The following DIAPH2 variants were observed in gnomAD, a reference collection of about 807,000 sequenced individuals.
DIAPH2 encodes protein diaphanous homolog 2.
DIAPH2 carries 35 observed loss-of-function variants against 92.7 expected under a neutral mutation model. The observed-to-expected ratio is 0.38, with a 90% CI of 0.29 to 0.50. The LOEUF is 0.50. Among genes scored for constraint, DIAPH2 ranks in the 20% least tolerant of loss-of-function variants. The pLI is 0.94. For synonymous variants in DIAPH2, 301 were observed against 280.4 expected (o/e 1.07, Z -0.73); for missense variants, 701 against 819.5 (o/e 0.86, Z 1.77).
chrX:97,066,252 T>C (rs1047850952), intron 17 of DIAPH2, among the ~76,000 whole-genome samples: 14 of 112,068 alleles, frequency 1.2e-4, no homozygotes, highest in African/African-American at 4.5e-4. Context: ...TGTATGCAGC[T>C]AAACCATTTT....
At chrX:97,359,570 CT>C (rs1162203236) in intron 24 of DIAPH2, among the ~76,000 whole-genome samples, 2,906 of 66,662 alleles carry the variant, frequency 0.044, 26 homozygotes, top group Non-Finnish European at 0.059. Context: ...CATGGATAAT[CT>C]TTTTTTTTTT....
intron 25 of DIAPH2, among the ~76,000 whole-genome samples, chrX:97,415,972 G>A (rs2069941807): frequency 8.9e-6 from 1 of 111,976 alleles, no homozygotes; most frequent in African/African-American, 3.2e-5. Flanking sequence ...AGACTATCCA[G>A]TGACACCTTG....
intron 16 of DIAPH2, among the ~76,000 whole-genome samples, chrX:96,959,048 T>A (rs2065830906): frequency 8.9e-6 from 1 of 111,843 alleles, no homozygotes; most frequent in Middle Eastern, 4.2e-3. Context: ...AGTGCTGCAA[T>A]AAACATGAGG....
intron 24 of DIAPH2, among the ~76,000 whole-genome samples, chrX:97,353,933 G>A (rs1391107165): frequency 3.6e-5 from 4 of 110,419 alleles, no homozygotes. Context: ...TCCCACCTCA[G>A]CCTCCTAAGT....
intron 19 of DIAPH2, among the ~76,000 whole-genome samples, chrX:97,093,742 G>T (rs2066844867): frequency 9.0e-6 from 1 of 111,687 alleles, no homozygotes; most frequent in African/African-American, 3.3e-5. Context: ...TTGCAAATAG[G>T]ATCATGACAT....
intron 23 of DIAPH2, among the ~76,000 whole-genome samples, chrX:97,305,829 A>AAAAAAAAAAAAG (rs1460551487): frequency 4.4e-4 from 47 of 107,393 alleles, no homozygotes; most frequent in African/African-American, 1.6e-3. Context: ...TTCTCCAAAA[A>AAAAAAAAAAAAG]AAAAAAAAAA....
chrX:97,160,823 A>G (rs1343011118), intron 22 of DIAPH2, among the ~76,000 whole-genome samples: 2 of 111,770 alleles, frequency 1.8e-5, no homozygotes, highest in South Asian at 3.7e-4. Flanking sequence ...AGAATTTATT[A>G]TATATTGATC....
At chrX:97,214,158 T>C (rs980349614) in intron 22 of DIAPH2, among the ~76,000 whole-genome samples, 2 of 112,590 alleles carry the variant, frequency 1.8e-5, no homozygotes, top group African/African-American at 6.5e-5. Context: ...TGAAGACCAA[T>C]CTTCTGTTCT....
rs187069813 is a variant in DIAPH2 at position 97,482,477 on chromosome X, C to T, written c.3241+52732C>T. On this transcript the variant is annotated intron_variant, in intron 26 of 26. Coordinates refer to ENST00000324765, the MANE Select transcript of DIAPH2 (RefSeq NM_006729.5). Reference sequence around the variant, plus strand: ...TCCCCATACCATTTTTCTCTTGTGACTTTGACTCACAAAGGTGAAGCTTTC... The same window carrying T: ...TCCCCATACCATTTTTCTCTTGTGATTTTGACTCACAAAGGTGAAGCTTTC... Among the ~76,000 whole-genome samples the T allele has an allele frequency of 2.7e-3, 296 of 111,523 alleles. 1 individual carries two copies. Among genetic ancestry groups the T allele is most frequent in the African/African-American group, 9.1e-3 (279 of 30,715 alleles).
intron 4 of DIAPH2, among the ~76,000 whole-genome samples, chrX:96,848,916 T>C (rs1289590270): frequency 8.9e-6 from 1 of 111,916 alleles, no homozygotes; most frequent in Non-Finnish European, 1.9e-5. Flanking sequence ...CGATGGTTTT[T>C]TCCATCACAG....
chrX:97,246,904 C>T (rs911952960), intron 22 of DIAPH2, among the ~76,000 whole-genome samples: 2 of 111,407 alleles, frequency 1.8e-5, no homozygotes, highest in Non-Finnish European at 3.8e-5. Context: ...TGTTTTCATA[C>T]ATAATTGGCA....
chrX:96,764,564 C>T (rs748208004), intron 4 of DIAPH2, among the ~76,000 whole-genome samples: 1 of 111,302 alleles, frequency 9.0e-6, no homozygotes, highest in African/African-American at 3.3e-5. Context: ...AAAATAAATT[C>T]GATAGGTGGA....
chrX:97,598,039 C>T (rs747416010), intron 26 of DIAPH2, among the ~76,000 whole-genome samples: 5 of 111,075 alleles, frequency 4.5e-5, no homozygotes, highest in Admixed American at 9.6e-5. Flanking sequence ...CACAGACTAC[C>T]GGGAAATCAG....
intron 23 of DIAPH2, among the ~76,000 whole-genome samples, chrX:97,280,830 A>C (rs2068490806): frequency 1.8e-5 from 2 of 111,727 alleles, no homozygotes; most frequent in South Asian, 7.5e-4. Flanking sequence ...AGGCCTTATA[A>C]ATATGCAGTG....
chrX:97,328,005 C>T (rs1305064737), intron 23 of DIAPH2, among the ~76,000 whole-genome samples: 1 of 112,508 alleles, frequency 8.9e-6, no homozygotes, highest in East Asian at 2.8e-4. Flanking sequence ...GATGTTCCTC[C>T]AGAAGCAACC....
intron 23 of DIAPH2, among the ~76,000 whole-genome samples, chrX:97,320,062 T>G (rs908919566): frequency 1.9e-5 from 2 of 105,200 alleles, no homozygotes; most frequent in African/African-American, 6.9e-5. Context: ...ATTGCGCCAT[T>G]GCACTCCAGC....
chrX:97,298,640 A>C (rs1249820888), intron 23 of DIAPH2, among the ~76,000 whole-genome samples: 1 of 84,580 alleles, frequency 1.2e-5, no homozygotes, highest in African/African-American at 4.9e-5. Context: ...ATTGAAACGG[A>C]GTCTCACTGT....
At chrX:97,242,088 T>A (rs1179914849) in intron 22 of DIAPH2, among the ~76,000 whole-genome samples, 2 of 111,588 alleles carry the variant, frequency 1.8e-5, no homozygotes, top group African/African-American at 3.3e-5. Flanking sequence ...AGGCTGATTT[T>A]TCTTATGAGT....
At chrX:96,921,697 G>GTT (rs373282813) in intron 9 of DIAPH2, among the ~76,000 whole-genome samples, 36,183 of 87,809 alleles carry the variant, frequency 0.41, 7,315 homozygotes, top group Non-Finnish European at 0.52. Context: ...TACCTTTATG[G>GTT]TTTTTTTTTT....
Sources: gnomAD v4.1 joint callset for allele counts (sites outside exome capture counted in the v4.1 genomes callset) on GRCh38, gnomAD v4.1.1 for gene constraint, MANE v1.5 for transcripts, NCBI Gene and HGNC (gene_info 2026-07-23, HGNC 2026-07-21) for gene names.